RGS9: variants seen among roughly 807,000 people sequenced by gnomAD.
The protein encoded by RGS9 is regulator of G protein signaling 9, also known as regulator of G-protein signalling 9.
A neutral mutation model predicts 102.0 loss-of-function variants in RGS9; 78 were observed. That is an observed-to-expected ratio of 0.76 (90% CI 0.64 to 0.92). The LOEUF is 0.92. Ranked by LOEUF, RGS9 falls within the 40% of genes least tolerant of loss-of-function variation. The pLI, the probability that RGS9 is intolerant of heterozygous loss-of-function variation, is 0.00. For synonymous variants in RGS9, 353 were observed against 318.6 expected, an observed-to-expected ratio of 1.11 and a Z score of -1.15; for missense variants, 833 against 866.1, an observed-to-expected ratio of 0.96 and a Z score of 0.48.
At chr17:65,190,135 G>T in intron 10 of RGS9, 40 bp from the exon 11 acceptor site, 2 of 1,496,354 alleles carry the variant, frequency 1.3e-6, no homozygotes, top group Non-Finnish European at 1.9e-6. Context: ...TGAAGGGTGG[G>T]AGGGGGTTGA....
In RGS9 at chr17:65,173,799, A is replaced by G. The variant is rs1373379938; in HGVS notation, c.583-3933A>G. On this transcript the variant is annotated intron_variant, in intron 8 of 18. Transcript: ENST00000262406. The surrounding 1 kb of genome is among the most constrained non-coding windows in gnomAD (Gnocchi z 4.8). Reference sequence around the variant, plus strand: ...TGTCAGCAGCACTCTGGTGATGATCATAGTGGGTCAAAGACTTTACACTAC... The same window carrying G: ...TGTCAGCAGCACTCTGGTGATGATCGTAGTGGGTCAAAGACTTTACACTAC... 1.3e-5 allele frequency among the ~76,000 whole-genome samples: 2 copies of G among 152,056 alleles called. No homozygotes were observed. Among genetic ancestry groups the G allele is most frequent in the African/African-American group, 4.8e-5 (2 of 41,292 alleles).
At chr17:65,163,798 A>G (rs538116588) in intron 7 of RGS9, among the ~76,000 whole-genome samples, 2 of 152,328 alleles carry the variant, frequency 1.3e-5, no homozygotes, top group East Asian at 3.9e-4. Flanking sequence ...GAGTGTGCCC[A>G]CTGCAAGCAG....
intron 18 of RGS9, among the ~76,000 whole-genome samples, chr17:65,226,255 ACAGT>A (rs1472352150): frequency 2.0e-5 from 3 of 152,204 alleles, no homozygotes; most frequent in Non-Finnish European, 2.9e-5. Flanking sequence ...TTTGGGGGAG[ACAGT>A]CAGGGGCACC....
chr17:65,211,424 C>T (rs961733914), intron 17 of RGS9, among the ~76,000 whole-genome samples: 1 of 152,192 alleles, frequency 6.6e-6, no homozygotes, highest in Admixed American at 6.5e-5. Context: ...TGAGGAGCAT[C>T]TTTTTGGCTA....
intron 16 of RGS9, among the ~76,000 whole-genome samples, chr17:65,209,244 A>G (rs1326867329): frequency 6.6e-6 from 1 of 152,182 alleles, no homozygotes; most frequent in African/African-American, 2.4e-5. Flanking sequence ...CAGGTATAAG[A>G]CAATGTATTC....
chr17:65,168,086 T>C (rs1911261948), intron 7 of RGS9, 114 bp from the exon 8 acceptor site: 1 of 699,742 alleles, frequency 1.4e-6, no homozygotes, highest in Non-Finnish European at 2.6e-6. Flanking sequence ...TTACGGTATA[T>C]GTGAATTACT....
intron 13 of RGS9, 118 bp downstream of exon 13, chr17:65,197,359 C>G (rs1231422399): frequency 2.7e-6 from 2 of 735,436 alleles, no homozygotes; most frequent in East Asian, 2.7e-5. Flanking sequence ...TTGCTTATGC[C>G]CTTAAACAGT....
At chr17:65,182,989 G>A (rs528339399) in intron 9 of RGS9, among the ~76,000 whole-genome samples, 1 of 152,246 alleles carries the variant, frequency 6.6e-6, no homozygotes, top group Admixed American at 6.5e-5. Context: ...TGGCTGGACG[G>A]CTATTTACTT....
At chr17:65,177,006 CTTCA>C (rs1911656110) in intron 8 of RGS9, among the ~76,000 whole-genome samples, 3 of 147,654 alleles carry the variant, frequency 2.0e-5, no homozygotes, top group African/African-American at 7.6e-5. Context: ...CATTCCATTC[CTTCA>C]TCCATCCATC....
rs373256863 is a variant in RGS9, at chr17:65,219,760, C to T, written c.1408-5242C>T. 1.5e-4 allele frequency among the ~76,000 whole-genome samples: 23 copies of T among 152,250 alleles called. No individual in the cohort carries two copies. In the East Asian group the frequency reaches 2.1e-3, roughly 14 times the overall value. The stretch of plus-strand genomic sequence containing the variant: ...TTCTTGGCCTATTATAAGCCCTCAA[C>T]GAACACTAGCTGCTATCATCATCAT... On this transcript the variant is annotated intron_variant, in intron 17 of 18. Transcript: ENST00000262406.
In RGS9 at chr17:65,143,625, T is replaced by TAC. The variant is rs539811474; in HGVS notation, c.57+6044_57+6045dup. ...GGTGAAACCCTGTCTCTACCAAAAATACACACACACACACACAAATGAGCT... is the reference window on the plus strand; with the variant it reads ...GGTGAAACCCTGTCTCTACCAAAAATACACACACACACACACACAAATGAGCT... On this transcript the variant is annotated intron_variant, in intron 1 of 18. Transcript: ENST00000262406. Among the ~76,000 whole-genome samples, 665 of 149,988 alleles carry TAC rather than the reference T, an allele frequency of 4.4e-3. 7 individuals carry two copies. The highest frequency in any genetic ancestry group is 0.026 in the Admixed American group (392 of 15,030).
chr17:65,191,136 G>T (rs1912350362), intron 11 of RGS9, among the ~76,000 whole-genome samples: 1 of 152,160 alleles, frequency 6.6e-6, no homozygotes, highest in Admixed American at 6.5e-5. Flanking sequence ...GCTGAGGAGG[G>T]CACCTGTGTA....
At chr17:65,144,605 CAG>C (rs1230840014) in intron 1 of RGS9, among the ~76,000 whole-genome samples, 1 of 152,172 alleles carries the variant, frequency 6.6e-6, no homozygotes, top group African/African-American at 2.4e-5. Flanking sequence ...AGCTGGGAAG[CAG>C]AGTCTGTTTG....
intron 9 of RGS9, chr17:65,185,183 G>C (rs966895258): frequency 6.6e-6 from 1 of 152,196 alleles, no homozygotes; most frequent in Non-Finnish European, 1.5e-5. Flanking sequence ...AGAGGAAGCA[G>C]ATCCCATGGA....
chr17:65,202,091 G>C lies in RGS9; in HGVS notation c.1064+11G>C. The stretch of plus-strand genomic sequence containing the variant: ...AGAGGAGATTTACAAGTGAGCATCA[G>C]CCAGGGTGCTGGAAAGCCTTCCCTT... On this transcript the variant is annotated intron_variant, in intron 14 of 18. Transcript: ENST00000262406. 1.3e-6 allele frequency: 2 copies of C among 1,599,818 alleles called. No homozygotes were observed. The highest frequency in any genetic ancestry group is 1.7e-6 in the Non-Finnish European group (2 of 1,167,318).
At chr17:65,205,090 T>C (rs1912999714) in intron 15 of RGS9, among the ~76,000 whole-genome samples, 1 of 152,132 alleles carries the variant, frequency 6.6e-6, no homozygotes, top group Admixed American at 6.5e-5. Context: ...ATTAACAAAG[T>C]GCGAATGCGG....
intron 13 of RGS9, among the ~76,000 whole-genome samples, chr17:65,201,447 C>T (rs927221749): frequency 6.6e-6 from 1 of 152,168 alleles, no homozygotes; most frequent in East Asian, 1.9e-4. Flanking sequence ...GATGGGTTCT[C>T]TAAGCACAGC....
At chr17:65,213,613 C>A (rs1322486205) in intron 17 of RGS9, among the ~76,000 whole-genome samples, 1 of 151,948 alleles carries the variant, frequency 6.6e-6, no homozygotes, top group African/African-American at 2.4e-5. Flanking sequence ...ATTGTGGCTT[C>A]TACAGGGCAC....
At chr17:65,141,776 G>A (rs1006886038) in intron 1 of RGS9, among the ~76,000 whole-genome samples, 1 of 152,336 alleles carries the variant, frequency 6.6e-6, no homozygotes, top group Middle Eastern at 3.4e-3. Flanking sequence ...TTGCAATGGA[G>A]TCGAATTATA....
Sources: gnomAD v4.1 joint callset for allele counts (sites outside exome capture counted in the v4.1 genomes callset) on GRCh38, gnomAD v4.1.1 for gene constraint, Gnocchi (gnomAD v3.1) non-coding constraint, MANE v1.5 for transcripts, NCBI Gene and HGNC (gene_info 2026-07-23, HGNC 2026-07-21) for gene names.